Variants in SNX13 observed in about 807,000 individuals in gnomAD.
The protein encoded by SNX13 is sorting nexin-13.
Under a neutral mutation model 133.6 loss-of-function variants are expected in SNX13, and 45 were observed. That is an observed-to-expected ratio of 0.34 (90% CI 0.27 to 0.43). The LOEUF is 0.43. SNX13 is among the 20% of genes least tolerant of loss of function. The probability of loss-of-function intolerance (pLI) is 1.00; values close to 1 mark genes in which losing one functional copy is unlikely to be tolerated. For synonymous variants in SNX13, 414 were observed against 373.9 expected (o/e 1.11, Z -1.24); for missense variants, 1,032 against 1,145.1 (o/e 0.90, Z 1.43).
rs375440575 is a variant in SNX13 at position 17,932,409 on chromosome 7, C to A, written c.12+7875G>T. ...CTTACTATATAAAATGTCTAATGAA[C>A]AGATAGTAACCAATCCTTTAAGGGT... On this transcript the variant is annotated intron_variant, in intron 1 of 25. Coordinates refer to ENST00000428135, the MANE Select transcript of SNX13 (RefSeq NM_015132.5). Among the ~76,000 whole-genome samples, 23 of 152,250 alleles carry A rather than the reference C, an allele frequency of 1.5e-4. 2 individuals are homozygous for A. The highest frequency in any genetic ancestry group is 5.5e-4 in the African/African-American group (23 of 41,538).
chr7:17,849,440 C>T (rs908885150), intron 11 of SNX13, among the ~76,000 whole-genome samples: 2 of 152,092 alleles, frequency 1.3e-5, no homozygotes, highest in African/African-American at 4.8e-5. Context: ...CATTCTTACC[C>T]CCATCATCTC....
At chr7:17,893,281 T>A (rs988977029) in intron 3 of SNX13, 51 bp downstream of exon 3, 11 of 1,233,634 alleles carry the variant, frequency 8.9e-6, no homozygotes, top group Non-Finnish European at 1.3e-5. Context: ...TACTCTATTA[T>A]CATTGCAAAG....
intron 1 of SNX13, among the ~76,000 whole-genome samples, chr7:17,903,292 C>T (rs1237803545): frequency 1.3e-5 from 2 of 152,118 alleles, no homozygotes; most frequent in African/African-American, 4.8e-5. Flanking sequence ...AACAAGCTAC[C>T]AAAACTGTTT....
intron 17 of SNX13, among the ~76,000 whole-genome samples, chr7:17,825,491 G>T (rs1348994133): frequency 9.9e-5 from 15 of 152,134 alleles, no homozygotes. Context: ...TAACTCAATA[G>T]CAATGATGAA....
chr7:17,823,623 T>C (rs1427057420), intron 17 of SNX13, among the ~76,000 whole-genome samples: 1 of 152,242 alleles, frequency 6.6e-6, no homozygotes, highest in Non-Finnish European at 1.5e-5. Flanking sequence ...AGAAATAGAC[T>C]TTGGACATCT....
At chr7:17,868,598 A>G (rs1339351537) in intron 8 of SNX13, 108 bp from the exon 9 acceptor site, 1 of 779,520 alleles carries the variant, frequency 1.3e-6, no homozygotes, top group African/African-American at 1.8e-5. Flanking sequence ...TATGATATAC[A>G]TGTAACTAGG....
At chr7:17,910,722 GAAT>G (rs1798874602) in intron 1 of SNX13, among the ~76,000 whole-genome samples, 1 of 152,078 alleles carries the variant, frequency 6.6e-6, no homozygotes, top group South Asian at 2.1e-4. Context: ...CCATGAAAAG[GAAT>G]AACGTACTAG....
intron 9 of SNX13, among the ~76,000 whole-genome samples, chr7:17,862,066 C>G (rs532199819): frequency 6.6e-6 from 1 of 152,202 alleles, no homozygotes; most frequent in Admixed American, 6.5e-5. Flanking sequence ...TAGGCTAAGC[C>G]CACTCCAAAA....
At chr7:17,901,710 A>G (rs1797857145) in intron 1 of SNX13, among the ~76,000 whole-genome samples, 1 of 152,162 alleles carries the variant, frequency 6.6e-6, no homozygotes, top group Non-Finnish European at 1.5e-5. Flanking sequence ...TGACAATTCA[A>G]TATTGTCCTT....
chr7:17,936,731 A>C (rs1191189378), intron 1 of SNX13, among the ~76,000 whole-genome samples: 2 of 152,124 alleles, frequency 1.3e-5, no homozygotes, highest in Non-Finnish European at 2.9e-5. Context: ...ATTATCTTCT[A>C]ATGTTGTGAA....
chr7:17,797,381 C>T (rs551347225), intron 24 of SNX13, among the ~76,000 whole-genome samples: 2 of 151,926 alleles, frequency 1.3e-5, no homozygotes, highest in South Asian at 2.1e-4. Flanking sequence ...CTACATAATA[C>T]TAAATTCTAA....
In SNX13 at chr7:17,834,179, A is replaced by G. The variant is rs755605903; in HGVS notation, c.1470T>C (p.Tyr490=). ...ATCTTTCATCTCGTAGCATCAATTCATATACCTTGGTGAAATAAATCAAGA... is the reference window on the plus strand; with the variant it reads ...ATCTTTCATCTCGTAGCATCAATTCGTATACCTTGGTGAAATAAATCAAGA... ...EIFDDIQRKV[Y]ELMLRDERFY... The change falls in exon 15 of 26, where the codon TAT becomes TAC. Residue 490 remains tyrosine, a synonymous_variant. Transcript: ENST00000428135. The G allele has an allele frequency of 7.0e-6, 11 of 1,570,216 alleles. No homozygotes were observed. In the South Asian group the frequency reaches 1.2e-4, roughly 17 times the overall value.
chr7:17,870,696 G>A (rs186668255), intron 8 of SNX13, among the ~76,000 whole-genome samples: 1 of 152,176 alleles, frequency 6.6e-6, no homozygotes, highest in Non-Finnish European at 1.5e-5. Flanking sequence ...CTGAGCATCT[G>A]CTATGTGCCA....
At chr7:17,872,324 A>T (rs1261813372) in intron 8 of SNX13, among the ~76,000 whole-genome samples, 10 of 152,232 alleles carry the variant, frequency 6.6e-5, no homozygotes, top group African/African-American at 2.2e-4. Flanking sequence ...AGTTTCAATA[A>T]GGAAAAGATG....
intron 13 of SNX13, among the ~76,000 whole-genome samples, chr7:17,838,069 A>C (rs1789360963): frequency 6.6e-6 from 1 of 151,966 alleles, no homozygotes; most frequent in African/African-American, 2.4e-5. Flanking sequence ...AAGTATTTCA[A>C]ATTAGAGAAA....
intron 5 of SNX13, among the ~76,000 whole-genome samples, chr7:17,886,188 C>T (rs1197088143): frequency 1.3e-5 from 2 of 152,062 alleles, no homozygotes; most frequent in Non-Finnish European, 2.9e-5. Context: ...ATTAGTATCA[C>T]AGCCAGCGAA....
chr7:17,849,545 A>G (rs535290403), intron 11 of SNX13, among the ~76,000 whole-genome samples: 21 of 152,314 alleles, frequency 1.4e-4, no homozygotes, highest in South Asian at 6.2e-4. Context: ...CAAATCTCCA[A>G]TTGATTTTCA....
At chr7:17,850,565 C>G (rs552282446) in intron 10 of SNX13, 130 bp from the exon 11 acceptor site, 403 of 653,180 alleles carry the variant, frequency 6.2e-4, no homozygotes, top group Non-Finnish European at 8.9e-4. Flanking sequence ...AAGAAACCAT[C>G]TGAAATTATA....
rs1012145518 is a variant in SNX13 at position 17,928,395 on chromosome 7, G to C, written c.12+11889C>G. Among the ~76,000 whole-genome samples, 5 of 152,092 alleles carry C rather than the reference G, an allele frequency of 3.3e-5. No homozygotes were observed. In the East Asian group the frequency reaches 9.6e-4, roughly 29 times the overall value. On this transcript the variant is annotated intron_variant, in intron 1 of 25. Transcript: ENST00000428135. ...TTGCTAACCACTTTAACTATATCTA[G>C]TTCTCACAATTCTATGACATAAGTT... is the stretch of plus-strand genomic sequence containing the variant.
Sources: gnomAD v4.1 joint callset for allele counts (sites outside exome capture counted in the v4.1 genomes callset) on GRCh38, gnomAD v4.1.1 for gene constraint, MANE v1.5 for transcripts, NCBI Gene and HGNC (gene_info 2026-07-23, HGNC 2026-07-21) for gene names.